EIF4G3: variants seen among roughly 807,000 people sequenced by gnomAD.
EIF4G3 encodes the protein eIF-4-gamma 3.
Under a neutral mutation model 186.4 loss-of-function variants are expected in EIF4G3, and 34 were observed. The observed-to-expected ratio is 0.18, with a 90% CI of 0.14 to 0.24. The LOEUF is 0.24. EIF4G3 is among the 10% of genes least tolerant of loss of function. The pLI is 1.00. For synonymous variants in EIF4G3, 673 were observed against 679.5 expected (o/e 0.99, Z 0.15); for missense variants, 1,536 against 1,948.5 (o/e 0.79, Z 3.99).
rs539353481 is a variant in EIF4G3, at chr1:20,837,493, C to G, written c.4061+3363G>C. Among the ~76,000 whole-genome samples the G allele has an allele frequency of 3.9e-5, 6 of 152,268 alleles. No individual in the cohort carries two copies. In the South Asian group the frequency reaches 1.2e-3, roughly 32 times the overall value. The stretch of plus-strand genomic sequence containing the variant: ...TGCTGGGATTACAGGCGTGAGCCAC[C>G]GCGCCTGGCTGGCTTTCTGCTTTCT... On this transcript the variant is annotated intron_variant, in intron 30 of 36. Transcript: ENST00000602326.
chr1:21,109,407 G>T (rs1471819719), intron 2 of EIF4G3, among the ~76,000 whole-genome samples: 1 of 152,300 alleles, frequency 6.6e-6, no homozygotes. Flanking sequence ...CACTTTGGGA[G>T]GCTGAAGCAG....
chr1:20,994,376 T>C (rs1388449783), intron 7 of EIF4G3, among the ~76,000 whole-genome samples: 1 of 152,192 alleles, frequency 6.6e-6, no homozygotes, highest in East Asian at 1.9e-4. Flanking sequence ...TCAAGGTAAT[T>C]ACTGTTGCTG....
chr1:20,928,918 A>G (rs1254437545), intron 14 of EIF4G3, among the ~76,000 whole-genome samples: 1 of 152,090 alleles, frequency 6.6e-6, no homozygotes, highest in Admixed American at 6.6e-5. Context: ...CCTGGTGAGC[A>G]CTAATTTATT....
At chr1:21,068,387 A>AAAAC (rs2095331761) in intron 3 of EIF4G3, among the ~76,000 whole-genome samples, 1 of 149,148 alleles carries the variant, frequency 6.7e-6, no homozygotes, top group South Asian at 2.1e-4. Flanking sequence ...AAAAAAAAAA[A>AAAAC]AAAAAAAAAA....
chr1:21,100,085 T>A (rs1032267512), intron 2 of EIF4G3, among the ~76,000 whole-genome samples: 2 of 152,154 alleles, frequency 1.3e-5, no homozygotes, highest in Non-Finnish European at 2.9e-5. Flanking sequence ...AACATTATGG[T>A]AAGTTAAAGA....
chr1:20,873,783 A>C (rs1034271714), intron 20 of EIF4G3, among the ~76,000 whole-genome samples: 1 of 149,552 alleles, frequency 6.7e-6, no homozygotes, highest in Non-Finnish European at 1.5e-5. Context: ...ACATAGGTAT[A>C]CATGTGCCAT....
chr1:20,875,893 C>T lies in EIF4G3; in HGVS notation c.2622+3430G>A, dbSNP rs114215291. ...TGCCACTGCACTCTAGCCTGGGTGACAGAGCAAGACAAAAAGGAAAGGGAA... is the reference window on the plus strand; with the variant it reads ...TGCCACTGCACTCTAGCCTGGGTGATAGAGCAAGACAAAAAGGAAAGGGAA... On this transcript the variant is annotated intron_variant, in intron 20 of 36. Coordinates refer to ENST00000602326, the MANE Select transcript of EIF4G3 (RefSeq NM_001391906.1). 1.7e-3 allele frequency among the ~76,000 whole-genome samples: 263 copies of T among 151,590 alleles called. 2 individuals are homozygous for T. Among genetic ancestry groups the T allele is most frequent in the African/African-American group, 6.0e-3 (249 of 41,278 alleles).
chr1:21,176,293 G>GTACCGCTGC lies in EIF4G3; in HGVS notation c.-399_-391dup, dbSNP rs1161830015. The stretch of plus-strand genomic sequence containing the variant: ...GCTGCCGCCGCCGGGTGAGGAGGCG[G>GTACCGCTGC]TACCGCTGCTGCCGCCGCCGCCGCC... On this transcript the variant is annotated 5_prime_UTR_variant, in exon 2 of 37. Coordinates refer to ENST00000602326, the MANE Select transcript of EIF4G3 (RefSeq NM_001391906.1). 3.2e-6 allele frequency: 1 copy of GTACCGCTGC among 311,448 alleles called. No individual in the cohort carries two copies. The highest frequency in any genetic ancestry group is 5.6e-6 in the Non-Finnish European group (1 of 177,088). The allele number at this position is 311,448 out of a possible 1,614,324, so 19.3% of individuals were successfully genotyped here. A position where few individuals can be genotyped will look rare whatever the true frequency, so the allele number is the denominator to read the frequency against.
Position 20,899,783 on chromosome 1 carries a change from T to G in EIF4G3, c.1913A>C (p.Glu638Ala). ...EEAEPVRNGA[E>A]SVSEGEGIDA... is the part of the protein sequence containing the mutation. The stretch of plus-strand genomic sequence containing the variant: ...TATTCCTTCACCCTCAGAAACACTC[T>G]CAGCACCATTACGTACTGGCTCAGC... The change falls in exon 16 of 37, where the codon GAG (glutamate) becomes GCG (alanine). Residue 638 changes from glutamate to alanine, a missense_variant. Coordinates refer to ENST00000602326, the MANE Select transcript of EIF4G3 (RefSeq NM_001391906.1). The G allele has an allele frequency of 6.2e-7, 1 of 1,614,150 alleles. No individual in the cohort carries two copies. The highest frequency in any genetic ancestry group is 8.5e-7 in the Non-Finnish European group (1 of 1,180,008).
At chr1:20,926,784 C>A (rs1206886552) in intron 14 of EIF4G3, among the ~76,000 whole-genome samples, 5 of 150,796 alleles carry the variant, frequency 3.3e-5, no homozygotes, top group Non-Finnish European at 5.9e-5. Context: ...AACAAAAACC[C>A]AACAAAAACA....
chr1:20,807,826 G>A lies in EIF4G3; in HGVS notation c.4745-326C>T, dbSNP rs748334865. ...TCCCCAGGCTGGAGTGCAGTGGTGC[G>A]ATCTTGGCTCACTGCAACCTCTACC... On this transcript the variant is annotated intron_variant, in intron 36 of 36. Transcript: ENST00000602326. Among the ~76,000 whole-genome samples, 14 of 123,734 alleles carry A rather than the reference G, an allele frequency of 1.1e-4. No homozygotes were observed. The Admixed American group carries it at 1.2e-3, about 11-fold the overall frequency. 81.2% of individuals were successfully genotyped at this position (123,734 alleles called of 152,430 possible). A position where few individuals can be genotyped will look rare whatever the true frequency, so the allele number is the denominator to read the frequency against.
intron 12 of EIF4G3, among the ~76,000 whole-genome samples, chr1:20,957,880 A>T (rs1033315752): frequency 3.9e-5 from 6 of 152,188 alleles, no homozygotes; most frequent in Non-Finnish European, 8.8e-5. Context: ...ACCAATGACA[A>T]GCAGCAAGAT....
intron 9 of EIF4G3, 51 bp from the exon 10 acceptor site, chr1:20,980,499 G>A (rs779116380): frequency 3.0e-5 from 37 of 1,223,134 alleles, no homozygotes; most frequent in South Asian, 6.1e-5. Flanking sequence ...ATCTGGGGGC[G>A]AAAAACATAA....
intron 2 of EIF4G3, among the ~76,000 whole-genome samples, chr1:21,090,634 A>G (rs2096161814): frequency 6.6e-6 from 1 of 152,232 alleles, no homozygotes; most frequent in African/African-American, 2.4e-5. Context: ...AGTAGAAAAG[A>G]AGAAGTGAAA....
intron 2 of EIF4G3, among the ~76,000 whole-genome samples, chr1:21,140,918 G>A (rs1573196937): frequency 6.6e-6 from 1 of 152,032 alleles, no homozygotes; most frequent in Non-Finnish European, 1.5e-5. Flanking sequence ...GAAAAATAAC[G>A]TGTTCTAAAA....
chr1:21,087,214 G>A (rs181584709), intron 3 of EIF4G3, among the ~76,000 whole-genome samples: 3 of 152,200 alleles, frequency 2.0e-5, no homozygotes, highest in African/African-American at 7.2e-5. Flanking sequence ...ATGTTGAACC[G>A]AAATATTTAA....
rs149543803 is a variant in EIF4G3 at position 20,915,501 on chromosome 1, A to C, written c.1664-10530T>G. Among the ~76,000 whole-genome samples, 1,375 of 152,280 alleles carry C rather than the reference A, an allele frequency of 9.0e-3. 26 individuals are homozygous for C. The highest frequency in any genetic ancestry group is 0.032 in the African/African-American group (1,322 of 41,550). On this transcript the variant is annotated intron_variant, in intron 14 of 36. Transcript: ENST00000602326. ...ACTAAATAAAATTTTAGCAAGTAAA[A>C]TTGAACAATACAGAAAAAGAAAAAA...
At chr1:20,913,606 A>C (rs1346458172) in intron 14 of EIF4G3, among the ~76,000 whole-genome samples, 1 of 152,186 alleles carries the variant, frequency 6.6e-6, no homozygotes, top group Non-Finnish European at 1.5e-5. Flanking sequence ...ATATCAAAGT[A>C]AAAGTCAAAT....
intron 4 of EIF4G3, among the ~76,000 whole-genome samples, chr1:21,015,092 A>G (rs906671350): frequency 6.6e-6 from 1 of 151,540 alleles, no homozygotes; most frequent in Non-Finnish European, 1.5e-5. Flanking sequence ...GGAGGGGGGG[A>G]AGAAAAGAAA....
Sources: allele counts gnomAD v4.1 joint callset (sites outside exome capture counted in the v4.1 genomes callset), GRCh38; gene constraint gnomAD v4.1.1; transcripts MANE v1.5; gene names NCBI Gene and HGNC (gene_info 2026-07-23, HGNC 2026-07-21).